Variants in MAP3K2 observed in about 807,000 individuals in gnomAD.
The protein encoded by MAP3K2 is mitogen-activated protein kinase kinase kinase 2, also known as MAP/ERK kinase kinase 2.
Under a neutral mutation model 80.3 loss-of-function variants are expected in MAP3K2, and 24 were observed. That is an observed-to-expected ratio of 0.30 (90% CI 0.22 to 0.42). MAP3K2 has a LOEUF of 0.42. Among genes scored for constraint, MAP3K2 ranks in the 10% least tolerant of loss-of-function variants. The probability of loss-of-function intolerance (pLI) is 1.00; values close to 1 mark genes in which losing one functional copy is unlikely to be tolerated. For synonymous variants in MAP3K2, 244 were observed against 253.7 expected (o/e 0.96, Z 0.36); for missense variants, 608 against 750.1 (o/e 0.81, Z 2.21).
At chr2:127,361,682 A>G (rs1280428124) in intron 1 of MAP3K2, among the ~76,000 whole-genome samples, 1 of 152,238 alleles carries the variant, frequency 6.6e-6, no homozygotes, top group Non-Finnish European at 1.5e-5. Context: ...TTTAGTTGAT[A>G]AAATGTTTTA....
chr2:127,322,747 C>T lies in MAP3K2; in HGVS notation c.839-495G>A, dbSNP rs1056630378. ...TAGCTGGGATTACAGGCGCCCACCA[C>T]CATGCCCAGCTAATTTTTTGTATTT... On this transcript the variant is annotated intron_variant, in intron 11 of 16. Transcript: ENST00000682094. The surrounding 1 kb of genome is among the most constrained non-coding windows in gnomAD (Gnocchi z 4.2). 6.6e-6 allele frequency among the ~76,000 whole-genome samples: 1 copy of T among 151,832 alleles called. No homozygotes were observed. The highest frequency in any genetic ancestry group is 2.4e-5 in the African/African-American group (1 of 41,360).
chr2:127,362,264 G>C (rs540846338), intron 1 of MAP3K2, among the ~76,000 whole-genome samples: 5 of 152,264 alleles, frequency 3.3e-5, no homozygotes, highest in African/African-American at 7.2e-5. Flanking sequence ...TCTTTGCCTT[G>C]ATTTCTTTAC....
intron 1 of MAP3K2, among the ~76,000 whole-genome samples, chr2:127,359,954 A>T (rs2104871271): frequency 6.6e-6 from 1 of 152,324 alleles, no homozygotes; most frequent in Middle Eastern, 3.4e-3. Context: ...GTATTTCTTT[A>T]TAGCAGTGCA....
intron 1 of MAP3K2, among the ~76,000 whole-genome samples, chr2:127,371,851 T>A (rs1033919574): frequency 6.6e-6 from 1 of 151,998 alleles, no homozygotes; most frequent in Non-Finnish European, 1.5e-5. Context: ...ATTGGGCAAA[T>A]CAATGCAAGT....
Position 127,329,945 on chromosome 2 carries a change from T to C in MAP3K2, c.442A>G (p.Arg148Gly). Residue 148 changes from arginine to glycine, a missense_variant, in exon 7 of 17, where the codon AGG becomes GGG. Arg to Gly is a moderately radical substitution (Grantham distance 125). Coordinates refer to ENST00000682094, the MANE Select transcript of MAP3K2 (RefSeq NM_001371910.2). Reference protein sequence around the residue: ...DLDNTVFGAERKKRLSIIGPT... With the variant: ...DLDNTVFGAEGKKRLSIIGPT... ...CCTATTATAGATAGCCGTTTTTTCC[T>C]CTCTGCTCCAAATACTGTATTATCC... 1 of 1,606,956 alleles carries C rather than the reference T, an allele frequency of 6.2e-7. No homozygotes were observed. The highest frequency in any genetic ancestry group is 8.5e-7 in the Non-Finnish European group (1 of 1,174,280).
chr2:127,352,526 T>C (rs1435632799), intron 1 of MAP3K2, among the ~76,000 whole-genome samples: 1 of 152,156 alleles, frequency 6.6e-6, no homozygotes, highest in Non-Finnish European at 1.5e-5. Context: ...TGAAGAAACA[T>C]CACCTATAAA....
chr2:127,325,893 T>C (rs1290382653), intron 8 of MAP3K2, 86 bp from the exon 9 acceptor site: 2 of 826,604 alleles, frequency 2.4e-6, no homozygotes, highest in Non-Finnish European at 4.1e-6. Flanking sequence ...TTAGACATAC[T>C]TCATGTAACA....
intron 1 of MAP3K2, among the ~76,000 whole-genome samples, chr2:127,354,050 T>C (rs564961338): frequency 1.4e-3 from 217 of 152,000 alleles, no homozygotes; most frequent in Non-Finnish European, 1.7e-3. Flanking sequence ...GGCAACAGGC[T>C]CGTTAAGAGT....
intron 14 of MAP3K2, 81 bp downstream of exon 14, chr2:127,317,547 TA>T: frequency 8.2e-7 from 1 of 1,220,752 alleles, no homozygotes; most frequent in Non-Finnish European, 1.1e-6. Context: ...TAACATTTTA[TA>T]ATCTACGTTT....
chr2:127,387,108 G>C (rs963744111), intron 1 of MAP3K2, among the ~76,000 whole-genome samples: 1 of 152,200 alleles, frequency 6.6e-6, no homozygotes, highest in Non-Finnish European at 1.5e-5. Context: ...CACTGTGACA[G>C]TGCAAAGACA....
chr2:127,348,802 G>C (rs1040267919), intron 1 of MAP3K2, among the ~76,000 whole-genome samples: 36 of 152,220 alleles, frequency 2.4e-4, no homozygotes, highest in African/African-American at 8.2e-4. Context: ...GAAGTGGCTG[G>C]TTCTATGAAT....
intron 1 of MAP3K2, among the ~76,000 whole-genome samples, chr2:127,382,557 T>C (rs1019304918): frequency 6.6e-6 from 1 of 152,244 alleles, no homozygotes; most frequent in African/African-American, 2.4e-5. Flanking sequence ...TTCTTACAAA[T>C]TGACTCACTC....
At chr2:127,343,358 T>A (rs913805187) in intron 1 of MAP3K2, 164 bp from the exon 2 acceptor site, 1 of 465,176 alleles carries the variant, frequency 2.1e-6, no homozygotes. Context: ...GTTGATCATG[T>A]AGGCACCCCC....
chr2:127,308,060 T>C (rs1685737147), intron 16 of MAP3K2, among the ~76,000 whole-genome samples: 1 of 152,222 alleles, frequency 6.6e-6, no homozygotes, highest in Non-Finnish European at 1.5e-5. Context: ...TTTTGTTTTA[T>C]ATAATTTCTA....
At chr2:127,343,311 T>C (rs1372938710) in intron 1 of MAP3K2, 117 bp from the exon 2 acceptor site, 28 of 528,314 alleles carry the variant, frequency 5.3e-5, no homozygotes, top group Non-Finnish European at 7.5e-5. Flanking sequence ...ATGAATACTT[T>C]ACACATTTCG....
At chr2:127,350,190 G>A (rs1219109701) in intron 1 of MAP3K2, among the ~76,000 whole-genome samples, 1 of 152,040 alleles carries the variant, frequency 6.6e-6, no homozygotes, top group Non-Finnish European at 1.5e-5. Flanking sequence ...AGCACATAAA[G>A]ACTTATGGGG....
In MAP3K2 at chr2:127,321,711, C is replaced by A. The variant is rs1164282156; in HGVS notation, c.1045+335G>T. On this transcript the variant is annotated intron_variant, in intron 12 of 16. Coordinates refer to ENST00000682094, the MANE Select transcript of MAP3K2 (RefSeq NM_001371910.2). This position sits in a 1 kb window ranked among gnomAD's most constrained non-coding sequence, Gnocchi z 4.4. ...TAAATGCTATACAATAATTATTTCT[C>A]CATGTATCATCTATCCCATTAGATT... Among the ~76,000 whole-genome samples the A allele has an allele frequency of 6.6e-6, 1 of 152,124 alleles. No homozygotes were observed.
At chr2:127,329,869 G>A (rs1278883312) in intron 7 of MAP3K2, 52 bp downstream of exon 7, 6 of 1,008,670 alleles carry the variant, frequency 5.9e-6, no homozygotes, top group Admixed American at 1.8e-5. Flanking sequence ...TTAAAGGATG[G>A]AGAAGAAATT....
chr2:127,336,124 GCA>G (rs1473261986), intron 4 of MAP3K2, among the ~76,000 whole-genome samples, 155 bp from the exon 5 acceptor site: 2 of 152,000 alleles, frequency 1.3e-5, no homozygotes, highest in African/African-American at 4.8e-5. Context: ...TTTAACACAG[GCA>G]CACATTTTCA....
Sources: allele counts gnomAD v4.1 joint callset (sites outside exome capture counted in the v4.1 genomes callset), GRCh38; gene constraint gnomAD v4.1.1; non-coding constraint Gnocchi (gnomAD v3.1); transcripts MANE v1.5; gene names NCBI Gene and HGNC (gene_info 2026-07-23, HGNC 2026-07-21).